UGT3A2: variants seen among roughly 807,000 people sequenced by gnomAD.
The protein encoded by UGT3A2 is UDP-glycosyltransferase 3A2.
A neutral mutation model predicts 39.8 loss-of-function variants in UGT3A2; 32 were observed. That is an observed-to-expected ratio of 0.80 (90% CI 0.61 to 1.08). The LOEUF (loss-of-function observed/expected upper bound fraction) is 1.08. UGT3A2 is among the 50% of genes least tolerant of loss of function. UGT3A2 has a pLI of 0.00. For synonymous variants in UGT3A2, 241 were observed against 230.7 expected, an observed-to-expected ratio of 1.04 and a Z score of -0.40; for missense variants, 611 against 637.1, an observed-to-expected ratio of 0.96 and a Z score of 0.44.
At chr5:36,054,143 G>T (rs935424275) in intron 2 of UGT3A2, among the ~76,000 whole-genome samples, 1 of 152,196 alleles carries the variant, frequency 6.6e-6, no homozygotes, top group Non-Finnish European at 1.5e-5. Context: ...GGTGGGCCAC[G>T]AGTTAGACAA....
At chr5:36,058,145 T>C (rs1014933158) in intron 2 of UGT3A2, among the ~76,000 whole-genome samples, 5 of 152,282 alleles carry the variant, frequency 3.3e-5, no homozygotes, top group Non-Finnish European at 5.9e-5. Context: ...TGTCCATCAA[T>C]GGATTAATGG....
chr5:36,064,217 T>C (rs1450353612), intron 2 of UGT3A2, 32 bp downstream of exon 2: 3 of 1,593,804 alleles, frequency 1.9e-6, no homozygotes, highest in Non-Finnish European at 2.6e-6. Flanking sequence ...TTGCTTGGAG[T>C]AGGAGAAATC....
In UGT3A2 at chr5:36,063,276, A is replaced by G. The variant is rs561750544; in HGVS notation, c.196+973T>C. ...AGCAATTTGGAGCATAAAGTCCTAA[A>G]TCCACCCAACTCTGTTATCAAGCAA... On this transcript the variant is annotated intron_variant, in intron 2 of 6. Coordinates refer to ENST00000282507, the MANE Select transcript of UGT3A2 (RefSeq NM_174914.4). Among the ~76,000 whole-genome samples, 63 of 152,266 alleles carry G rather than the reference A, an allele frequency of 4.1e-4. No homozygotes were observed. The South Asian group carries it at 0.013, about 32-fold the overall frequency.
chr5:36,049,991 A>G (rs982646259), intron 3 of UGT3A2, among the ~76,000 whole-genome samples: 2 of 152,086 alleles, frequency 1.3e-5, no homozygotes, highest in African/African-American at 4.8e-5. Context: ...TTCTACCCCT[A>G]GGAGTTAAGC....
intron 1 of UGT3A2, among the ~76,000 whole-genome samples, chr5:36,065,599 A>C (rs999986982): frequency 6.6e-6 from 1 of 152,188 alleles, no homozygotes; most frequent in Middle Eastern, 3.2e-3. Flanking sequence ...AGGGGGAAAA[A>C]GTCTTCAAAT....
rs1443846544 is a variant in UGT3A2, at chr5:36,049,144, G to A, written c.588C>T (p.Asp196=). The A allele has an allele frequency of 1.2e-6, 2 of 1,614,190 alleles. No individual in the cohort carries two copies. The highest frequency in any genetic ancestry group is 1.7e-6 in the Non-Finnish European group (2 of 1,180,038). Residue 196 remains aspartate (D), a synonymous_variant, in exon 4 of 7, where the codon GAC becomes GAT. Coordinates refer to ENST00000282507, the MANE Select transcript of UGT3A2 (RefSeq NM_174914.4). ...GAAAATTCTTCACTCGGCCCCAGAAGTCCATGTGATCAGTCAGCAAGGAAC... is the reference window on the plus strand; with the variant it reads ...GAAAATTCTTCACTCGGCCCCAGAAATCCATGTGATCAGTCAGCAAGGAAC... The part of the protein sequence containing the change: ...VFRSLLTDHM[D]FWGRVKNFLM...
chr5:36,059,706 A>C (rs1363942360), intron 2 of UGT3A2, among the ~76,000 whole-genome samples: 2 of 152,116 alleles, frequency 1.3e-5, no homozygotes, highest in African/African-American at 4.8e-5. Flanking sequence ...TATCAGTGGA[A>C]TGTTTTACCC....
chr5:36,053,151 C>T (rs1176243086), intron 2 of UGT3A2, among the ~76,000 whole-genome samples: 1 of 152,172 alleles, frequency 6.6e-6, no homozygotes, highest in African/African-American at 2.4e-5. Context: ...AGGGTGTCCT[C>T]CTCTGAGGAG....
At position 36,066,868 on chromosome 5, in the gene UGT3A2, T is replaced by C; in HGVS notation, c.-79A>G. 6.5e-7 allele frequency: 1 copy of C among 1,541,714 alleles called. No individual in the cohort carries two copies. The highest frequency in any genetic ancestry group is 9.0e-7 in the Non-Finnish European group (1 of 1,115,434). ...GGCTAAGGGACCCTGTGCACCTCAG[T>C]GCGCCAAAGGCACTGGCTGTGGGTA... On this transcript the variant is annotated 5_prime_UTR_variant, in exon 1 of 7. Coordinates refer to ENST00000282507, the MANE Select transcript of UGT3A2 (RefSeq NM_174914.4).
intron 2 of UGT3A2, among the ~76,000 whole-genome samples, chr5:36,058,627 C>A (rs1200517768): frequency 6.6e-6 from 1 of 152,090 alleles, no homozygotes; most frequent in Non-Finnish European, 1.5e-5. Flanking sequence ...CCAATCGTTA[C>A]CTCCTCCTCC....
chr5:36,051,032 T>C (rs1240269350), intron 3 of UGT3A2, among the ~76,000 whole-genome samples: 1 of 152,144 alleles, frequency 6.6e-6, no homozygotes, highest in Non-Finnish European at 1.5e-5. Flanking sequence ...TCAAAATATA[T>C]AACTAACTCT....
In UGT3A2 at chr5:36,051,753, T is replaced by G; in HGVS notation, c.311+117A>C. On this transcript the variant is annotated intron_variant, in intron 3 of 6. Transcript: ENST00000282507. ...ATCCATCCGTCCATCCATCCATCCATCCATCCATCCATTCGTCACTTTCTC... is the reference window on the plus strand; with the variant it reads ...ATCCATCCGTCCATCCATCCATCCAGCCATCCATCCATTCGTCACTTTCTC... 8 of 764,764 alleles carry G rather than the reference T, an allele frequency of 1.0e-5. No homozygotes were observed. In the South Asian group the frequency reaches 1.2e-4, roughly 12 times the overall value. The allele number at this position is 764,764 out of a possible 1,614,324, so 47.4% of individuals were successfully genotyped here. A position where few individuals can be genotyped will look rare whatever the true frequency, so the allele number is the denominator to read the frequency against.
rs571871194 is a variant in UGT3A2 at position 36,039,463 on chromosome 5, T to C, written c.1075+14A>G. ...GTCAGTGGAAGGAGAGGAGCAGTCC[T>C]GGGCAGCCCTTACCCAGGAGGTCAC... is the stretch of plus-strand genomic sequence containing the variant. On this transcript the variant is annotated intron_variant, in intron 5 of 6. Transcript: ENST00000282507. 23 of 1,612,846 alleles carry C rather than the reference T, an allele frequency of 1.4e-5. No individual in the cohort carries two copies. In the Middle Eastern group the frequency reaches 2.7e-3, roughly 192 times the overall value.
At chr5:36,039,390 T>C in intron 5 of UGT3A2, 87 bp downstream of exon 5, 2 of 1,322,524 alleles carry the variant, frequency 1.5e-6, no homozygotes, top group Non-Finnish European at 2.2e-6. Flanking sequence ...CACCAGTGGG[T>C]ACAAATGTCC....
At chr5:36,060,059 A>G (rs1030580677) in intron 2 of UGT3A2, among the ~76,000 whole-genome samples, 3 of 152,202 alleles carry the variant, frequency 2.0e-5, no homozygotes, top group Admixed American at 1.3e-4. Flanking sequence ...CATGACATGC[A>G]GACAGATCAA....
rs754046477 is a variant in UGT3A2, at chr5:36,049,095, T to C, written c.637A>G (p.Arg213Gly). ...AATGTAGACTGCATGTGCTGTTGCC[T>C]CCTGCAGAAACTAAAGAACATCAGA... ...NFLMFFSFCR[R>G]QQHMQSTFDN... The change falls in exon 4 of 7, where the codon AGG becomes GGG. Residue 213 changes from arginine to glycine, a missense_variant. Arg to Gly is a moderately radical substitution (Grantham distance 125). Transcript: ENST00000282507. The C allele has an allele frequency of 2.5e-6, 4 of 1,614,074 alleles. No individual in the cohort carries two copies. Among genetic ancestry groups the C allele is most frequent in the Non-Finnish European group, 3.4e-6 (4 of 1,180,048 alleles).
Position 36,066,833 on chromosome 5 carries a change from C to T in UGT3A2, c.-44G>A, listed in dbSNP as rs745436760. ...CGCGGATCTCAGCCTGGGCTGCGCG[C>T]CCTGCGCCCGGCTAAGGGACCCTGT... On this transcript the variant is annotated 5_prime_UTR_variant, in exon 1 of 7. Transcript: ENST00000282507. The T allele has an allele frequency of 1.9e-6, 3 of 1,612,716 alleles. No individual in the cohort carries two copies. The highest frequency in any genetic ancestry group is 1.3e-5 in the African/African-American group (1 of 74,906).
At chr5:36,043,868 T>C (rs189135094) in intron 4 of UGT3A2, among the ~76,000 whole-genome samples, 3 of 152,060 alleles carry the variant, frequency 2.0e-5, no homozygotes, top group African/African-American at 7.2e-5. Flanking sequence ...TAATAAAAAG[T>C]CTCCTAGCAA....
In UGT3A2 at chr5:36,049,248, A is replaced by G. The variant is rs201133636; in HGVS notation, c.484T>C (p.Phe162Leu). 2.6e-5 allele frequency: 42 copies of G among 1,614,124 alleles called. No individual in the cohort carries two copies. The Admixed American group carries it at 4.8e-4, about 19-fold the overall frequency. Residue 162 changes from phenylalanine to leucine, a missense_variant, in exon 4 of 7, where the codon TTT becomes CTT. Transcript: ENST00000282507. ...AATGAAGTGGAAAGAATGGCCACAA[A>G]TGGCTTCCCAAGCTTCTCAGCAATC... Reference protein sequence around the residue: ...FLIAEKLGKPFVAILSTSFGS... With the variant: ...FLIAEKLGKPLVAILSTSFGS...
Sources: allele counts gnomAD v4.1 joint callset (sites outside exome capture counted in the v4.1 genomes callset), GRCh38; gene constraint gnomAD v4.1.1; transcripts MANE v1.5; gene names NCBI Gene and HGNC (gene_info 2026-07-23, HGNC 2026-07-21).